SLAMF1: variants seen among roughly 807,000 people sequenced by gnomAD.
The protein encoded by SLAMF1 is signaling lymphocytic activation molecule family member 1.
In SLAMF1, 18 loss-of-function variants were observed where a neutral mutation model predicts 35.1. The ratio of observed to expected loss-of-function variants is 0.51; its 90% CI spans 0.35 to 0.76. The LOEUF is 0.76. Among genes scored for constraint, SLAMF1 ranks in the 30% least tolerant of loss-of-function variants. SLAMF1 has a pLI of 0.01. For synonymous variants in SLAMF1, 168 were observed against 157.2 expected, an observed-to-expected ratio of 1.07 and a Z score of -0.51; for missense variants, 392 against 413.0, an observed-to-expected ratio of 0.95 and a Z score of 0.44.
In SLAMF1 at chr1:160,635,310, GAT is replaced by G. The variant is rs558755634; in HGVS notation, c.416-415_416-414del. ...TTAGTGGTGGGATTTCATCTATCGTGATGTGTGTGGGAGGGTGTGTGTGTGTA... is the reference window on the plus strand; with the variant it reads ...TTAGTGGTGGGATTTCATCTATCGTGGTGTGTGGGAGGGTGTGTGTGTGTA... On this transcript the variant is annotated intron_variant, in intron 2 of 6. Coordinates refer to ENST00000302035, the MANE Select transcript of SLAMF1 (RefSeq NM_003037.5). 1.4e-4 allele frequency among the ~76,000 whole-genome samples: 21 copies of G among 152,248 alleles called. 1 individual carries two copies. The East Asian group carries it at 3.9e-3, about 28-fold the overall frequency.
chr1:160,611,092 T>C (rs867486760), intron 6 of SLAMF1, among the ~76,000 whole-genome samples: 95 of 152,200 alleles, frequency 6.2e-4, no homozygotes, highest in African/African-American at 2.2e-3. Flanking sequence ...TTCCATCCCC[T>C]TGTAAGGAAA....
chr1:160,622,692 T>C (rs1001817745), intron 4 of SLAMF1, among the ~76,000 whole-genome samples: 2 of 152,238 alleles, frequency 1.3e-5, no homozygotes, highest in Non-Finnish European at 2.9e-5. Context: ...GTATTACCCC[T>C]GTTTTGCAGA....
intron 3 of SLAMF1, among the ~76,000 whole-genome samples, chr1:160,627,700 T>C (rs987783904): frequency 2.6e-5 from 4 of 152,228 alleles, no homozygotes; most frequent in Non-Finnish European, 5.9e-5. Flanking sequence ...AAGCTGCACA[T>C]GATTTCTGTA....
chr1:160,640,562 G>A (rs1212484556), intron 1 of SLAMF1, among the ~76,000 whole-genome samples: 1 of 151,898 alleles, frequency 6.6e-6, no homozygotes, highest in Non-Finnish European at 1.5e-5. Context: ...CAGCTACCTA[G>A]AAGAGACTCT....
chr1:160,643,525 G>GA (rs1660869923), intron 1 of SLAMF1, among the ~76,000 whole-genome samples: 1 of 152,154 alleles, frequency 6.6e-6, no homozygotes, highest in Admixed American at 6.5e-5. Context: ...CTTATGGTAT[G>GA]AAAAAATGTC....
intron 1 of SLAMF1, among the ~76,000 whole-genome samples, chr1:160,640,125 T>C (rs182282433): frequency 6.6e-6 from 1 of 152,042 alleles, no homozygotes; most frequent in Admixed American, 6.5e-5. Context: ...ATTTGTTTGT[T>C]TTATTTTTGT....
In SLAMF1 at chr1:160,621,406, A is replaced by C. The variant is rs145014504; in HGVS notation, c.791-1557T>G. On this transcript the variant is annotated intron_variant, in intron 4 of 6. Transcript: ENST00000302035. Reference sequence around the variant, plus strand: ...AAACCCTGTCTCTACTAAAAATACAAAAATTAGCCAGGCATGGTGGCACGC... The same window carrying C: ...AAACCCTGTCTCTACTAAAAATACACAAATTAGCCAGGCATGGTGGCACGC... 1.6e-3 allele frequency among the ~76,000 whole-genome samples: 245 copies of C among 152,152 alleles called. 2 individuals carry two copies. The highest frequency in any genetic ancestry group is 0.014 in the Middle Eastern group (4 of 294).
chr1:160,618,805 C>T (rs2753260), intron 5 of SLAMF1, among the ~76,000 whole-genome samples: 4 of 152,004 alleles, frequency 2.6e-5, no homozygotes, highest in African/African-American at 9.7e-5. Context: ...ACACTATGGT[C>T]AAGGTGAACC....
chr1:160,634,178 A>C (rs1405539826), intron 3 of SLAMF1, among the ~76,000 whole-genome samples: 1 of 152,232 alleles, frequency 6.6e-6, no homozygotes, highest in Non-Finnish European at 1.5e-5. Context: ...GAGAGATCAC[A>C]TATCATATTT....
At chr1:160,637,906 T>C (rs939512611) in intron 1 of SLAMF1, among the ~76,000 whole-genome samples, 3 of 152,136 alleles carry the variant, frequency 2.0e-5, no homozygotes, top group Non-Finnish European at 2.9e-5. Context: ...CAGGGTTTTT[T>C]CCACCATTGA....
In SLAMF1 at chr1:160,609,551, A is replaced by C. The variant is rs1016031971; in HGVS notation, c.*1197T>G. On this transcript the variant is annotated 3_prime_UTR_variant, in exon 7 of 7. Transcript: ENST00000302035. ...ATAGTGGCTGTTTCTTACAGTACTT[A>C]CCAAGTTTATATAAGAAACAATAAG... The C allele has an allele frequency of 6.6e-6, 1 of 152,216 alleles. No individual in the cohort carries two copies. Among genetic ancestry groups the C allele is most frequent in the African/African-American group, 2.4e-5 (1 of 41,454 alleles). 9.4% of individuals were successfully genotyped at this position (152,216 alleles called of 1,614,324 possible). A position where few individuals can be genotyped will look rare whatever the true frequency, so the allele number is the denominator to read the frequency against.
chr1:160,613,116 G>A (rs1337708795), intron 5 of SLAMF1, among the ~76,000 whole-genome samples: 1 of 152,176 alleles, frequency 6.6e-6, no homozygotes, highest in East Asian at 1.9e-4. Context: ...TTTTCCTAAT[G>A]TGTACAAGCA....
chr1:160,626,285 C>A (rs1659876245), intron 3 of SLAMF1, among the ~76,000 whole-genome samples: 1 of 152,192 alleles, frequency 6.6e-6, no homozygotes, highest in Non-Finnish European at 1.5e-5. Flanking sequence ...ACGCCGGTTG[C>A]TCTGCTGCCC....
At position 160,624,109 on chromosome 1, in the gene SLAMF1, C is replaced by G; in HGVS notation, c.777G>C (p.Gln259His). ...CCAGACACCTACCTCTTCTTCTCAA[C>G]TGTAGTATTACCACCATGATGAGAA... is the stretch of plus-strand genomic sequence containing the variant. ...IMILIMVVIL[Q>H]LRRRGKTNHY... is the part of the protein sequence containing the mutation. The change falls in exon 4 of 7, where the codon CAG becomes CAC. Residue 259 changes from glutamine to histidine, a missense_variant. Transcript: ENST00000302035. 6.2e-7 allele frequency: 1 copy of G among 1,602,988 alleles called. No individual in the cohort carries two copies. The highest frequency in any genetic ancestry group is 8.5e-7 in the Non-Finnish European group (1 of 1,172,772).
chr1:160,629,859 G>T (rs560133102), intron 3 of SLAMF1, among the ~76,000 whole-genome samples: 71 of 152,216 alleles, frequency 4.7e-4, no homozygotes, highest in African/African-American at 1.6e-3. Context: ...TTGTTTTTAC[G>T]CTCGCTAAAT....
At chr1:160,633,560 G>A (rs750495778) in intron 3 of SLAMF1, among the ~76,000 whole-genome samples, 50 of 152,320 alleles carry the variant, frequency 3.3e-4, no homozygotes, top group Middle Eastern at 3.4e-3. Context: ...CCATTGGAAC[G>A]ATTCCTATGT....
intron 2 of SLAMF1, among the ~76,000 whole-genome samples, chr1:160,635,389 G>A (rs1376967701): frequency 6.6e-6 from 1 of 152,192 alleles, no homozygotes; most frequent in African/African-American, 2.4e-5. Flanking sequence ...GTGAGTGAGT[G>A]GGTGGGTGTG....
At chr1:160,637,069 C>G (rs1660488428) in intron 2 of SLAMF1, 122 bp downstream of exon 2, 2 of 677,904 alleles carry the variant, frequency 3.0e-6, no homozygotes, top group Non-Finnish European at 5.2e-6. Flanking sequence ...TACCCCCAAA[C>G]TAGAAGATCA....
At chr1:160,635,800 C>G (rs1197820697) in intron 2 of SLAMF1, among the ~76,000 whole-genome samples, 1 of 151,100 alleles carries the variant, frequency 6.6e-6, no homozygotes, top group African/African-American at 2.4e-5. Context: ...AGGATGGTCT[C>G]GATCTCCTGA....
Sources: gnomAD v4.1 joint callset for allele counts (sites outside exome capture counted in the v4.1 genomes callset) on GRCh38, gnomAD v4.1.1 for gene constraint, MANE v1.5 for transcripts, NCBI Gene and HGNC (gene_info 2026-07-23, HGNC 2026-07-21) for gene names.